ATE1: variants seen among roughly 807,000 people sequenced by gnomAD.
ATE1 encodes arginyl-tRNA--protein transferase 1.
In ATE1, 36 loss-of-function variants were observed where a neutral mutation model predicts 70.5. The ratio of observed to expected loss-of-function variants is 0.51; its 90% CI spans 0.39 to 0.67. The LOEUF is 0.67. Among genes scored for constraint, ATE1 ranks in the 30% least tolerant of loss-of-function variants. The pLI, the probability that ATE1 is intolerant of heterozygous loss-of-function variation, is 0.00. For missense variants in ATE1, 593 were observed against 629.5 expected (o/e 0.94, Z 0.62); for synonymous variants, 232 against 219.3 (o/e 1.06, Z -0.51).
chr10:121,893,456 C>G (rs1270160206), intron 7 of ATE1, among the ~76,000 whole-genome samples: 11 of 151,978 alleles, frequency 7.2e-5, no homozygotes, highest in Non-Finnish European at 1.5e-5. Flanking sequence ...AGTAAATAAA[C>G]TGGTTAACGT....
intron 11 of ATE1, among the ~76,000 whole-genome samples, chr10:121,777,709 T>C (rs1422463829): frequency 6.6e-6 from 1 of 152,248 alleles, no homozygotes; most frequent in Non-Finnish European, 1.5e-5. Flanking sequence ...ATGTAAACAA[T>C]AATCTGTGAT....
At chr10:121,818,228 G>A (rs1590380943) in intron 10 of ATE1, among the ~76,000 whole-genome samples, 1 of 117,094 alleles carries the variant, frequency 8.5e-6, no homozygotes, top group East Asian at 2.8e-4. Flanking sequence ...CTGCACTCAA[G>A]CCTGGGCAAC....
At position 121,922,472 on chromosome 10, in the gene ATE1, C is replaced by T; in HGVS notation, c.171-61G>A. On this transcript the variant is annotated intron_variant, in intron 2 of 11. Coordinates refer to ENST00000224652, the MANE Select transcript of ATE1 (RefSeq NM_001001976.3). ...TATTTTTCACTTGCACCAAAACAGC[C>T]TAGCACAGGAGCATTAAATTAAGGT... 4.0e-6 allele frequency: 4 copies of T among 991,406 alleles called. No homozygotes were observed. In the South Asian group the frequency reaches 5.6e-5, roughly 14 times the overall value. The allele number at this position is 991,406 out of a possible 1,614,324, so 61.4% of individuals were successfully genotyped here. A position where few individuals can be genotyped will look rare whatever the true frequency, so the allele number is the denominator to read the frequency against.
At chr10:121,766,879 T>G (rs1391556025) in intron 11 of ATE1, among the ~76,000 whole-genome samples, 1 of 151,990 alleles carries the variant, frequency 6.6e-6, no homozygotes, top group Non-Finnish European at 1.5e-5. Flanking sequence ...GCCTGGAAAA[T>G]TCGAACAAAC....
intron 11 of ATE1, among the ~76,000 whole-genome samples, chr10:121,754,702 T>C (rs1363898475): frequency 6.6e-6 from 1 of 152,182 alleles, no homozygotes; most frequent in African/African-American, 2.4e-5. Flanking sequence ...TCTGACACAA[T>C]AGGATATTTA....
At chr10:121,927,093 G>T (rs1170484558) in intron 1 of ATE1, 2 of 985,210 alleles carry the variant, frequency 2.0e-6, no homozygotes, top group African/African-American at 3.5e-5. Context: ...TTCTATATTG[G>T]CAAATGCATG....
intron 11 of ATE1, among the ~76,000 whole-genome samples, chr10:121,757,342 T>C (rs140697566): frequency 0.01 from 1,558 of 152,320 alleles, 10 homozygotes; most frequent in African/African-American, 0.027. Flanking sequence ...CACATTTTCC[T>C]GTCTTCTTCT....
intron 11 of ATE1, among the ~76,000 whole-genome samples, chr10:121,746,044 G>C (rs964903778): frequency 3.3e-5 from 5 of 152,120 alleles, no homozygotes; most frequent in African/African-American, 1.2e-4. Flanking sequence ...AGAACGTATT[G>C]CTAACCCTTC....
chr10:121,881,247 G>A (rs987072848), intron 7 of ATE1, among the ~76,000 whole-genome samples: 1 of 151,968 alleles, frequency 6.6e-6, no homozygotes, highest in Non-Finnish European at 1.5e-5. Flanking sequence ...TGTTCACTGG[G>A]CTTCTACTCC....
chr10:121,827,510 G>C (rs944065721), intron 10 of ATE1, among the ~76,000 whole-genome samples: 1 of 152,136 alleles, frequency 6.6e-6, no homozygotes, highest in African/African-American at 2.4e-5. Flanking sequence ...GCTCCTCCCA[G>C]GAGAAACTCT....
chr10:121,836,074 C>T (rs1948421390), intron 10 of ATE1, among the ~76,000 whole-genome samples: 1 of 152,134 alleles, frequency 6.6e-6, no homozygotes, highest in African/African-American at 2.4e-5. Flanking sequence ...ACATCATCAG[C>T]ACTTGCCCTT....
At chr10:121,837,160 G>A (rs1590437623) in intron 9 of ATE1, among the ~76,000 whole-genome samples, 1 of 152,222 alleles carries the variant, frequency 6.6e-6, no homozygotes, top group South Asian at 2.1e-4. Flanking sequence ...GGGCTTAACA[G>A]GTTAAAAACA....
intron 7 of ATE1, among the ~76,000 whole-genome samples, chr10:121,871,686 C>T (rs1040909252): frequency 1.3e-5 from 2 of 151,236 alleles, no homozygotes; most frequent in Non-Finnish European, 2.9e-5. Flanking sequence ...TCATTTAGGC[C>T]CTAGTTGACA....
At chr10:121,889,620 T>C (rs1035439460) in intron 7 of ATE1, among the ~76,000 whole-genome samples, 1 of 152,104 alleles carries the variant, frequency 6.6e-6, no homozygotes, top group South Asian at 2.1e-4. Flanking sequence ...CTGAGCAATA[T>C]AGCAAGACTC....
intron 11 of ATE1, among the ~76,000 whole-genome samples, chr10:121,760,936 A>G (rs897645550): frequency 6.6e-6 from 1 of 152,174 alleles, no homozygotes; most frequent in African/African-American, 2.4e-5. Flanking sequence ...TTTGATGTCC[A>G]ATGTTGGAGG....
At chr10:121,770,514 TC>T (rs1945467455) in intron 11 of ATE1, among the ~76,000 whole-genome samples, 1 of 152,196 alleles carries the variant, frequency 6.6e-6, no homozygotes, top group Non-Finnish European at 1.5e-5. Flanking sequence ...TTTTCAGGTT[TC>T]ATTATGTCTC....
At chr10:121,767,890 T>G (rs1381838758) in intron 11 of ATE1, among the ~76,000 whole-genome samples, 3 of 152,066 alleles carry the variant, frequency 2.0e-5, no homozygotes, top group African/African-American at 7.2e-5. Flanking sequence ...ACAAAAGAAA[T>G]CAAAGCAAGA....
At position 121,924,308 on chromosome 10, in the gene ATE1, G is replaced by A. The variant is rs1322453976; in HGVS notation, c.128C>T (p.Thr43Ile). 5 of 1,614,078 alleles carry A rather than the reference G, an allele frequency of 3.1e-6. No individual in the cohort carries two copies. The highest frequency in any genetic ancestry group is 3.3e-5 in the Admixed American group (2 of 60,018). ...RSNGMWAHSM[T>I]VQDYQDLIDR... ...TATGAGATCCTGATAATCCTGTACTGTCATGGAATGTGCCCACATGCCTGA... is the reference window on the plus strand; with the variant it reads ...TATGAGATCCTGATAATCCTGTACTATCATGGAATGTGCCCACATGCCTGA... Residue 43 changes from threonine to isoleucine, a missense_variant, in exon 2 of 12, where the codon ACA becomes ATA. Physicochemically the swap from Thr to Ile is moderately conservative, Grantham distance 89 (BLOSUM62 -1). Around this residue, in one of 3 missense-constraint regions of ATE1, gnomAD observed 467 missense variants for 469.6 expected, o/e 0.99. Coordinates refer to ENST00000224652, the MANE Select transcript of ATE1 (RefSeq NM_001001976.3).
chr10:121,870,226 G>A lies in ATE1; in HGVS notation c.943-188C>T, dbSNP rs561599024. Among the ~76,000 whole-genome samples, 9 of 152,276 alleles carry A rather than the reference G, an allele frequency of 5.9e-5. No individual in the cohort carries two copies. The South Asian group carries it at 1.5e-3, about 25-fold the overall frequency. On this transcript the variant is annotated intron_variant, in intron 7 of 11. Coordinates refer to ENST00000224652, the MANE Select transcript of ATE1 (RefSeq NM_001001976.3). ...TAGAAAGGTTCAGCCTAGTCCATAG[G>A]AGGCACCTATTTGAATTCCTTTCAA...
Sources: allele counts gnomAD v4.1 joint callset (sites outside exome capture counted in the v4.1 genomes callset), GRCh38; gene constraint gnomAD v4.1.1; regional missense constraint gnomAD v4.1.1; transcripts MANE v1.5; gene names NCBI Gene and HGNC (gene_info 2026-07-23, HGNC 2026-07-21).